The following TTN variants were observed in gnomAD, a reference collection of about 807,000 sequenced individuals.
TTN encodes connectin.
Under a neutral mutation model 3,223.0 loss-of-function variants are expected in TTN, and 1,525 were observed. The ratio of observed to expected loss-of-function variants is 0.47; its 90% CI spans 0.45 to 0.49. TTN has a LOEUF of 0.49. TTN is among the 20% of genes least tolerant of loss of function. The probability of loss-of-function intolerance (pLI) is 0.00; values close to 1 mark genes in which losing one functional copy is unlikely to be tolerated. For missense variants in TTN, 40,786 were observed against 43,424.0 expected (o/e 0.94, Z 5.40); for synonymous variants, 14,094 against 15,161.0 (o/e 0.93, Z 5.17).
intron 168 of TTN, 29 bp from the exon 169 acceptor site, chr2:178,664,127 A>T (rs373276718): frequency 3.8e-6 from 6 of 1,566,346 alleles, no homozygotes; most frequent in Non-Finnish European, 8.7e-7. Flanking sequence ...TTTTACACTC[A>T]GAAAATACAG....
At position 178,578,631 on chromosome 2, in the gene TTN, G is replaced by A. The variant is rs2047000667; in HGVS notation, c.68309C>T (p.Thr22770Ile). The A allele has an allele frequency of 1.9e-6, 3 of 1,611,510 alleles. No homozygotes were observed. Among genetic ancestry groups the A allele is most frequent in the African/African-American group, 1.3e-5 (1 of 74,794 alleles). Residue 22770 changes from threonine (T) to isoleucine (I), a missense_variant, in exon 321 of 363, where the codon ACT becomes ATT. Physicochemically the swap from Thr to Ile is moderately conservative, Grantham distance 89 (BLOSUM62 -1). Coordinates refer to ENST00000589042, the MANE Select transcript of TTN (RefSeq NM_001267550.2). The stretch of plus-strand genomic sequence containing the variant: ...AATACCTGTAATTGGAGAACCACCA[G>A]TTTTCTTGGGGTCAGTCCAAGTTAG... ...VSLTWTDPKK[T>I]GGSPITGYHL... is the part of the protein sequence containing the mutation.
In TTN at chr2:178,544,503, G is replaced by C; in HGVS notation, c.95726C>G (p.Thr31909Ser). ...NFISCREPSY[T>S]PGPPSAPRVV... ...TCTTGGAGCAGAAGGTGGTCCAGGG[G>C]TATCTGTGGAATTTAAAAAGTGAGA... The change falls in exon 345 of 363, where the codon ACC (threonine) becomes AGC (serine). Residue 31909 changes from threonine (T) to serine (S), a missense_variant. By Grantham distance (58) the Thr-to-Ser change is moderately conservative (BLOSUM62 1). Transcript: ENST00000589042. 2 of 1,587,948 alleles carry C rather than the reference G, an allele frequency of 1.3e-6. No homozygotes were observed. The highest frequency in any genetic ancestry group is 2.3e-5 in the East Asian group (1 of 44,344).
At position 178,620,932 on chromosome 2, in the gene TTN, G is replaced by A; in HGVS notation, c.45678C>T (p.Val15226=). ...CTTCAGTATTGACTTCACAGTTGAAGACAACTTCCTGTTGTTCCTTCACCC... is the reference window on the plus strand; with the variant it reads ...CTTCAGTATTGACTTCACAGTTGAAAACAACTTCCTGTTGTTCCTTCACCC... The part of the protein sequence containing the change: ...DTRVKEQQEV[V]FNCEVNTEGA... The change falls in exon 247 of 363, where the codon GTC becomes GTT. Residue 15226 remains valine, a synonymous_variant. Coordinates refer to ENST00000589042, the MANE Select transcript of TTN (RefSeq NM_001267550.2). 6.2e-7 allele frequency: 1 copy of A among 1,612,402 alleles called. No individual in the cohort carries two copies. The highest frequency in any genetic ancestry group is 8.5e-7 in the Non-Finnish European group (1 of 1,179,142).
chr2:178,555,073 A>G lies in TTN; in HGVS notation c.88386T>C (p.Ala29462=). 6.2e-7 allele frequency: 1 copy of G among 1,613,876 alleles called. No homozygotes were observed. The highest frequency in any genetic ancestry group is 1.3e-5 in the African/African-American group (1 of 75,050). ...YRAGTSVKLR[A]GISGKPAPTI... ...TAGGCGCAGGTTTGCCAGAAATGCC[A>G]GCTCTGAGCTTCACAGATGTACCTG... is the stretch of plus-strand genomic sequence containing the variant. Residue 29462 remains alanine, a synonymous_variant, in exon 331 of 363, where the codon GCT becomes GCC. Coordinates refer to ENST00000589042, the MANE Select transcript of TTN (RefSeq NM_001267550.2).
Position 178,591,781 on chromosome 2 carries a change from A to G in TTN, c.60038T>C (p.Leu20013Ser), listed in dbSNP as rs2050262481. Residue 20013 changes from leucine (L) to serine (S), a missense_variant, in exon 303 of 363, where the codon TTG (leucine) becomes TCG (serine). By Grantham distance (145) the Leu-to-Ser change is moderately radical. Coordinates refer to ENST00000589042, the MANE Select transcript of TTN (RefSeq NM_001267550.2). ...GGTGCCTTCTTCTTGATATTCTACC[A>G]AATATCCAGTGATTGGAGAACCACC... is the stretch of plus-strand genomic sequence containing the variant. ...RDGGSPITGY[L>S]VEYQEEGTQD... 6.2e-7 allele frequency: 1 copy of G among 1,613,132 alleles called. No homozygotes were observed. The highest frequency in any genetic ancestry group is 1.3e-5 in the African/African-American group (1 of 74,868).
chr2:178,652,806 G>A (rs758671674), intron 200 of TTN, 42 bp downstream of exon 200: 1 of 1,606,736 alleles, frequency 6.2e-7, no homozygotes, highest in Non-Finnish European at 8.5e-7. Flanking sequence ...TTCAAGAATA[G>A]AGGAGTTTGA....
chr2:178,726,042 T>A lies in TTN; in HGVS notation c.20280A>T (p.Pro6760=). 1 of 1,510,702 alleles carries A rather than the reference T, an allele frequency of 6.6e-7. No individual in the cohort carries two copies. The highest frequency in any genetic ancestry group is 8.8e-7 in the Non-Finnish European group (1 of 1,130,308). 93.6% of individuals were successfully genotyped at this position (1,510,702 alleles called of 1,614,324 possible). A position where few individuals can be genotyped will look rare whatever the true frequency, so the allele number is the denominator to read the frequency against. The change falls in exon 70 of 363, where the codon CCA becomes CCT. Residue 6760 remains proline (P), a synonymous_variant. Coordinates refer to ENST00000589042, the MANE Select transcript of TTN (RefSeq NM_001267550.2). Reference sequence around the variant, plus strand: ...TAGGAGGGAAGCTGCTAAAAACAGGTGGCTCTGCAAAAAACAAGAATTTCT... The same window carrying A: ...TAGGAGGGAAGCTGCTAAAAACAGGAGGCTCTGCAAAAAACAAGAATTTCT... ...SCSTKVIVKE[P]PVFSSFPPIV...
rs762766139 is a variant in TTN at position 178,554,966 on chromosome 2, A to G, written c.88493T>C (p.Ile29498Thr). The G allele has an allele frequency of 2.5e-6, 4 of 1,613,774 alleles. No individual in the cohort carries two copies. The highest frequency in any genetic ancestry group is 2.2e-5 in the East Asian group (1 of 44,778). Reference sequence around the variant, plus strand: ...AAGGCGATCGGCATCTTTGATGAGTATAGATGCGAGGTCCGTGGTATTTTC... The same window carrying G: ...AAGGCGATCGGCATCTTTGATGAGTGTAGATGCGAGGTCCGTGGTATTTTC... Reference protein sequence around the residue: ...CVENTTDLASILIKDADRLNS... With the variant: ...CVENTTDLASTLIKDADRLNS... Residue 29498 changes from isoleucine (I) to threonine (T), a missense_variant, in exon 331 of 363, where the codon ATA (isoleucine) becomes ACA (threonine). Transcript: ENST00000589042.
chr2:178,615,171 C>T, intron 259 of TTN, 136 bp downstream of exon 259: 1 of 1,139,624 alleles, frequency 8.8e-7, no homozygotes. Flanking sequence ...TTCAGCAGCA[C>T]CTTTAAAAAT....
chr2:178,764,531 C>T lies in TTN; in HGVS notation c.9984G>A (p.Val3328=), dbSNP rs2090013246. ...GVATTSASLS[V]EVPEVVSPDQ... ...GAAGTAGCGAGGCATTCCTACCTTC[C>T]ACTGAGAGTGAAGCTGATGTTGTGG... The change falls in exon 42 of 363, where the codon GTG becomes GTA. Residue 3328 remains valine (V), a synonymous_variant. Transcript: ENST00000589042. The T allele has an allele frequency of 6.2e-7, 1 of 1,613,912 alleles. No homozygotes were observed. Among genetic ancestry groups the T allele is most frequent in the South Asian group, 1.1e-5 (1 of 91,072 alleles).
At chr2:178,782,109 A>C in intron 20 of TTN, 103 bp downstream of exon 20, 3 of 1,342,764 alleles carry the variant, frequency 2.2e-6, no homozygotes, top group Non-Finnish European at 3.2e-6. Flanking sequence ...TCCACAATGA[A>C]AGAGCCTATG....
At position 178,584,138 on chromosome 2, in the gene TTN, A is replaced by G; in HGVS notation, c.65275+138T>C. ...TCATCTTCATTGTAAGAGATAGAAC[A>G]TATTCTTAAATGGGAGTTGTAATCT... On this transcript the variant is annotated intron_variant, in intron 311 of 362. Coordinates refer to ENST00000589042, the MANE Select transcript of TTN (RefSeq NM_001267550.2). The G allele has an allele frequency of 3.6e-6, 4 of 1,104,208 alleles. No individual in the cohort carries two copies. In the South Asian group the frequency reaches 7.4e-5, roughly 20 times the overall value. 68.4% of individuals were successfully genotyped at this position (1,104,208 alleles called of 1,614,324 possible). A position where few individuals can be genotyped will look rare whatever the true frequency, so the allele number is the denominator to read the frequency against.
At position 178,535,928 on chromosome 2, in the gene TTN, C is replaced by T. The variant is rs908418481; in HGVS notation, c.100765+54G>A. The T allele has an allele frequency of 4.6e-6, 7 of 1,512,048 alleles. No homozygotes were observed. The Admixed American group carries it at 6.8e-5, about 15-fold the overall frequency. 93.7% of individuals were successfully genotyped at this position (1,512,048 alleles called of 1,614,324 possible). On this transcript the variant is annotated intron_variant, in intron 357 of 362. Transcript: ENST00000589042. ...GTGTTTAAGTGCAATAGCCTCCACC[C>T]CCAAGTTAATAACTCATTTAGCCTC...
Position 178,685,612 on chromosome 2 carries a change from A to C in TTN, c.32312-14T>G. On this transcript the variant is annotated splice_polypyrimidine_tract_variant and intron_variant, in intron 127 of 362. Coordinates refer to ENST00000589042, the MANE Select transcript of TTN (RefSeq NM_001267550.2). ...GCTCTTCCATCACTTTAAAGACAGC[A>C]GTTTTAAAGAAGATAAATTACAGTG... is the stretch of plus-strand genomic sequence containing the variant. 1.2e-6 allele frequency: 2 copies of C among 1,608,242 alleles called. No homozygotes were observed. Among genetic ancestry groups the C allele is most frequent in the East Asian group, 4.5e-5 (2 of 44,832 alleles).
At chr2:178,791,562 A>G (rs2093495122) in intron 10 of TTN, among the ~76,000 whole-genome samples, 1 of 151,852 alleles carries the variant, frequency 6.6e-6, no homozygotes, top group Non-Finnish European at 1.5e-5. Context: ...GAATTGAAGG[A>G]ATTTTTTTTT....
At chr2:178,721,799 T>C in intron 78 of TTN, 48 bp downstream of exon 78, 2 of 1,438,852 alleles carry the variant, frequency 1.4e-6, no homozygotes, top group African/African-American at 2.9e-5. Flanking sequence ...AAGACAATTA[T>C]GCAAATATGG....
chr2:178,685,227 T>G (rs760876877), intron 129 of TTN, 26 bp downstream of exon 129: 2 of 1,502,568 alleles, frequency 1.3e-6, no homozygotes, highest in South Asian at 2.6e-5. Flanking sequence ...ATAAATAGTG[T>G]TGCATTTCTT....
intron 207 of TTN, 56 bp from the exon 208 acceptor site, chr2:178,651,376 C>A: frequency 1.2e-6 from 2 of 1,603,626 alleles, no homozygotes; most frequent in Non-Finnish European, 8.5e-7. Context: ...ACATTCATCA[C>A]ATTTACACAG....
chr2:178,792,175 G>A lies in TTN; in HGVS notation c.1559C>T (p.Thr520Ile), dbSNP rs141146642. ...HEQIRKETEK[T>I]FVPKVVISAA... ...GGAAATTACTACCTTTGGTACAAATGTTTTTTCAGTTTCTTTTCTTATCTG... is the reference window on the plus strand; with the variant it reads ...GGAAATTACTACCTTTGGTACAAATATTTTTTCAGTTTCTTTTCTTATCTG... Residue 520 changes from threonine to isoleucine, a missense_variant, in exon 10 of 363, where the codon ACA (threonine) becomes ATA (isoleucine). Coordinates refer to ENST00000589042, the MANE Select transcript of TTN (RefSeq NM_001267550.2). The A allele has an allele frequency of 4.4e-6, 7 of 1,607,362 alleles. No individual in the cohort carries two copies. The African/African-American group carries it at 6.7e-5, about 15-fold the overall frequency.
Sources: gnomAD v4.1 joint callset for allele counts (sites outside exome capture counted in the v4.1 genomes callset) on GRCh38, gnomAD v4.1.1 for gene constraint, MANE v1.5 for transcripts, NCBI Gene and HGNC (gene_info 2026-07-23, HGNC 2026-07-21) for gene names.